The following POM121C variants were observed in gnomAD, a reference collection of about 807,000 sequenced individuals.
POM121C encodes POM121 transmembrane nucleoporin C, also known as nuclear envelope pore membrane protein POM 121C.
A neutral mutation model predicts 66.4 loss-of-function variants in POM121C; 20 were observed. The observed-to-expected ratio is 0.30, with a 90% confidence interval of 0.21 to 0.44. The LOEUF is 0.44. Ranked by LOEUF, POM121C falls within the 20% of genes least tolerant of loss-of-function variation. The pLI, the probability that POM121C is intolerant of heterozygous loss-of-function variation, is 1.00. For synonymous variants in POM121C, 286 were observed against 528.0 expected, an observed-to-expected ratio of 0.54 and a Z score of 6.28; for missense variants, 580 against 1,225.7, an observed-to-expected ratio of 0.47 and a Z score of 7.87.
rs1375920401 is a variant in POM121C, at chr7:75,466,183, T to C, written c.-152+8521A>G. On this transcript the variant is annotated intron_variant, in intron 3 of 14. Transcript: ENST00000615331. ...CCAAAGTAAACTTTAGGTAAATTCATAGCCCTAAATGCTTAGAGAAGAAGC... is the reference window on the plus strand; with the variant it reads ...CCAAAGTAAACTTTAGGTAAATTCACAGCCCTAAATGCTTAGAGAAGAAGC... 7.5e-5 allele frequency among the ~76,000 whole-genome samples: 11 copies of C among 147,306 alleles called. No homozygotes were observed. In the Admixed American group the frequency reaches 7.8e-4, roughly 10 times the overall value.
At chr7:75,445,205 G>C (rs1340255911) in intron 3 of POM121C, among the ~76,000 whole-genome samples, 1 of 142,204 alleles carries the variant, frequency 7.0e-6, no homozygotes, top group African/African-American at 2.6e-5. Flanking sequence ...ATACATATGT[G>C]CATATACGTA....
rs587678041 is a variant in POM121C, at chr7:75,477,625, G to T, written c.-457-2437C>A. On this transcript the variant is annotated intron_variant, in intron 1 of 14. Transcript: ENST00000615331. Reference sequence around the variant, plus strand: ...AATAGCTCAGGGAAAAAAAAATTTGGACATGGATAAAACTGGACCCAGGCC... The same window carrying T: ...AATAGCTCAGGGAAAAAAAAATTTGTACATGGATAAAACTGGACCCAGGCC... 5.3e-5 allele frequency among the ~76,000 whole-genome samples: 8 copies of T among 152,198 alleles called. No homozygotes were observed. The East Asian group carries it at 1.5e-3, about 29-fold the overall frequency.
chr7:75,422,136 C>G lies in POM121C; in HGVS notation c.2116G>C (p.Ala706Pro), dbSNP rs201211942. ...GGCTGCCCCTCAGCGGCCCCAAATG[C>G]GGGCTGGGGGTTGGCTCCCGGATAT... ...PSYPGANPQP[A>P]FGAAEGQPPG... The change falls in exon 13 of 15, where the codon GCA (alanine) becomes CCA (proline). Residue 706 changes from alanine to proline, a missense_variant. Coordinates refer to ENST00000615331, the MANE Select transcript of POM121C (RefSeq NM_001099415.3). 2 of 1,423,626 alleles carry G rather than the reference C, an allele frequency of 1.4e-6. No homozygotes were observed. The highest frequency in any genetic ancestry group is 9.6e-7 in the Non-Finnish European group (1 of 1,041,832). 88.2% of individuals were successfully genotyped at this position (1,423,626 alleles called of 1,614,324 possible).
At chr7:75,424,682 G>A (rs1554471450) in intron 10 of POM121C, 54 bp from the exon 11 acceptor site, 1 of 1,602,926 alleles carries the variant, frequency 6.2e-7, no homozygotes, top group Admixed American at 1.7e-5. Context: ...GGGAAGGCTG[G>A]GCGTGGTGGC....
chr7:75,435,176 T>C (rs191549342), intron 7 of POM121C, among the ~76,000 whole-genome samples: 7 of 152,308 alleles, frequency 4.6e-5, no homozygotes, highest in African/African-American at 1.7e-4. Flanking sequence ...CAACCCAACG[T>C]TTGTCAATAG....
chr7:75,452,434 G>A lies in POM121C; in HGVS notation c.-151-10787C>T, dbSNP rs145213619. Among the ~76,000 whole-genome samples, 876 of 152,330 alleles carry A rather than the reference G, an allele frequency of 5.8e-3. 10 individuals carry two copies. The highest frequency in any genetic ancestry group is 0.02 in the African/African-American group (820 of 41,582). ...CCGAGATCGCGCCACTTGCCTAGGC[G>A]AGTGAGACTCATCTCAAAAACAAAC... On this transcript the variant is annotated intron_variant, in intron 3 of 14. Coordinates refer to ENST00000615331, the MANE Select transcript of POM121C (RefSeq NM_001099415.3).
At position 75,422,073 on chromosome 7, in the gene POM121C, C is replaced by T; in HGVS notation, c.2179G>A (p.Gly727Ser). 1 of 1,609,636 alleles carries T rather than the reference C, an allele frequency of 6.2e-7. No individual in the cohort carries two copies. The highest frequency in any genetic ancestry group is 8.5e-7 in the Non-Finnish European group (1 of 1,176,640). ...GAGTTTCCAAAAGTGAAAGAGCTGC[C>T]AAAGCTGGGGGTAAGGGCTGGCTTG... ...AAKPALTPSFGSSFTFGNSAA... is the reference protein window; with the variant it reads ...AAKPALTPSFSSSFTFGNSAA... The change falls in exon 13 of 15, where the codon GGC (glycine) becomes AGC (serine). Residue 727 changes from glycine (G) to serine (S), a missense_variant. By Grantham distance (56) the Gly-to-Ser change is moderately conservative. Coordinates refer to ENST00000615331, the MANE Select transcript of POM121C (RefSeq NM_001099415.3).
chr7:75,437,449 T>A, intron 7 of POM121C, 66 bp downstream of exon 7: 2 of 1,550,718 alleles, frequency 1.3e-6, no homozygotes, highest in East Asian at 4.5e-5. Context: ...CTACCATGTC[T>A]GGCCCTAATC....
At position 75,477,110 on chromosome 7, in the gene POM121C, T is replaced by C. The variant is rs868924682; in HGVS notation, c.-457-1922A>G. Among the ~76,000 whole-genome samples the C allele has an allele frequency of 3.5e-3, 491 of 140,674 alleles. 1 individual carries two copies. Among genetic ancestry groups the C allele is most frequent in the Non-Finnish European group, 5.7e-3 (369 of 64,600 alleles). The allele number at this position is 140,674 out of a possible 152,430, so 92.3% of individuals were successfully genotyped here. A position where few individuals can be genotyped will look rare whatever the true frequency, so the allele number is the denominator to read the frequency against. On this transcript the variant is annotated intron_variant, in intron 1 of 14. Transcript: ENST00000615331. ...AGCACATATATACAGTTTGCGTGTA[T>C]ACACACACACACACACACACACACT...
chr7:75,423,589 G>C (rs1353241155), intron 12 of POM121C, among the ~76,000 whole-genome samples: 1 of 151,352 alleles, frequency 6.6e-6, no homozygotes, highest in Non-Finnish European at 1.5e-5. Flanking sequence ...GGGAGGGTGC[G>C]TACGAACCCC....
chr7:75,473,978 G>C (rs587617023), intron 3 of POM121C, among the ~76,000 whole-genome samples: 1 of 152,118 alleles, frequency 6.6e-6, no homozygotes. Flanking sequence ...GTTAGCCACC[G>C]CGCCCGGCCA....
chr7:75,455,977 G>A (rs1383224329), intron 3 of POM121C, among the ~76,000 whole-genome samples: 1 of 152,200 alleles, frequency 6.6e-6, no homozygotes, highest in African/African-American at 2.4e-5. Context: ...GCTCATGCCT[G>A]TACTCCCAGC....
intron 7 of POM121C, 41 bp downstream of exon 7, chr7:75,437,474 G>C: frequency 1.3e-6 from 2 of 1,580,052 alleles, no homozygotes; most frequent in East Asian, 4.5e-5. Context: ...AATGAACGCT[G>C]GGAATTCATG....
At chr7:75,436,265 C>T (rs587695402) in intron 7 of POM121C, among the ~76,000 whole-genome samples, 27 of 152,290 alleles carry the variant, frequency 1.8e-4, no homozygotes, top group Non-Finnish European at 3.4e-4. Flanking sequence ...GTAGTCTCTA[C>T]AGTTCTAACT....
At chr7:75,452,550 G>A (rs1156484064) in intron 3 of POM121C, among the ~76,000 whole-genome samples, 1 of 152,170 alleles carries the variant, frequency 6.6e-6, no homozygotes, top group Non-Finnish European at 1.5e-5. Flanking sequence ...AGGCACTGAT[G>A]ACGTATTCAT....
chr7:75,474,800 T>C lies in POM121C; in HGVS notation c.-248A>G, dbSNP rs1382543174. ...ACGTTTGGCTTGGTGATATCATATCTTGTTAATGGGAAAAGAAGAAGGACT... is the reference window on the plus strand; with the variant it reads ...ACGTTTGGCTTGGTGATATCATATCCTGTTAATGGGAAAAGAAGAAGGACT... On this transcript the variant is annotated 5_prime_UTR_variant, in exon 3 of 15. Transcript: ENST00000615331. The C allele has an allele frequency of 3.1e-6, 4 of 1,306,772 alleles. No individual in the cohort carries two copies. Among genetic ancestry groups the C allele is most frequent in the Non-Finnish European group, 4.4e-6 (4 of 919,370 alleles). 80.9% of individuals were successfully genotyped at this position (1,306,772 alleles called of 1,614,324 possible). A position where few individuals can be genotyped will look rare whatever the true frequency, so the allele number is the denominator to read the frequency against.
At chr7:75,430,724 T>C (rs1376915187) in intron 7 of POM121C, among the ~76,000 whole-genome samples, 1 of 152,078 alleles carries the variant, frequency 6.6e-6, no homozygotes, top group East Asian at 1.9e-4. Context: ...ACAGAGAGCT[T>C]GTATCTAGAA....
Position 75,424,542 on chromosome 7 carries a change from G to C in POM121C, c.855C>G (p.Ala285=). ...KKASLQWFNQ[A]LEDKSDAASN... ...GCTCCTTACCACTCTTGTCCTCCAA[G>C]GCCTGGTTGAACCACTGTAATGAAG... The change falls in exon 11 of 15, where the codon GCC becomes GCG. Residue 285 remains alanine (A), a synonymous_variant. Transcript: ENST00000615331. 6.2e-7 allele frequency: 1 copy of C among 1,613,946 alleles called. No individual in the cohort carries two copies. Among genetic ancestry groups the C allele is most frequent in the African/African-American group, 1.3e-5 (1 of 75,046 alleles).
At chr7:75,438,353 G>C (rs1339726284) in intron 6 of POM121C, among the ~76,000 whole-genome samples, 2 of 152,180 alleles carry the variant, frequency 1.3e-5, no homozygotes, top group Admixed American at 6.5e-5. Flanking sequence ...AAGTTATTTC[G>C]CTTCTTTCAA....
Sources: allele counts gnomAD v4.1 joint callset (sites outside exome capture counted in the v4.1 genomes callset), GRCh38; gene constraint gnomAD v4.1.1; transcripts MANE v1.5; gene names NCBI Gene and HGNC (gene_info 2026-07-23, HGNC 2026-07-21).